Variants in FAM81B observed in about 807,000 individuals in gnomAD.
The protein encoded by FAM81B is protein FAM81B.
FAM81B carries 60 observed loss-of-function variants against 58.7 expected under a neutral mutation model. The observed-to-expected ratio is 1.02, with a 90% CI of 0.83 to 1.27. The LOEUF is 1.27. Among genes scored for constraint, FAM81B ranks in the 50% most tolerant of loss-of-function variants. The pLI is 0.00. For missense variants in FAM81B, 491 were observed against 522.0 expected, an observed-to-expected ratio of 0.94 and a Z score of 0.58; for synonymous variants, 189 against 179.6, an observed-to-expected ratio of 1.05 and a Z score of -0.42.
intron 6 of FAM81B, among the ~76,000 whole-genome samples, chr5:95,433,238 C>G (rs1744969201): frequency 1.4e-5 from 2 of 147,574 alleles, no homozygotes; most frequent in Non-Finnish European, 3.0e-5. Flanking sequence ...GGGGAGACCT[C>G]ACAGTCATGG....
intron 3 of FAM81B, among the ~76,000 whole-genome samples, chr5:95,407,965 T>C (rs981049747): frequency 6.6e-6 from 1 of 152,098 alleles, no homozygotes; most frequent in Admixed American, 6.6e-5. Flanking sequence ...CTCATATAGC[T>C]CTTGGTCGAC....
At chr5:95,392,452 G>A (rs953054523) in intron 1 of FAM81B, among the ~76,000 whole-genome samples, 2 of 152,068 alleles carry the variant, frequency 1.3e-5, no homozygotes, top group African/African-American at 2.4e-5. Flanking sequence ...GTATACCTAC[G>A]TAACAAACCT....
In FAM81B at chr5:95,400,362, T is replaced by A. The variant is rs191186526; in HGVS notation, c.293+4187T>A. ...TCCAATCTCTGCCTCCATCTTTACA[T>A]GGTATCTCCCTGTGTTTCTGTCTTC... On this transcript the variant is annotated intron_variant, in intron 3 of 9. Coordinates refer to ENST00000283357, the MANE Select transcript of FAM81B (RefSeq NM_152548.3). Among the ~76,000 whole-genome samples, 200 of 152,170 alleles carry A rather than the reference T, an allele frequency of 1.3e-3. 1 individual carries two copies. Among genetic ancestry groups the A allele is most frequent in the Non-Finnish European group, 2.4e-3 (165 of 67,996 alleles).
chr5:95,392,002 G>A (rs773125974), intron 1 of FAM81B, among the ~76,000 whole-genome samples: 9 of 152,136 alleles, frequency 5.9e-5, no homozygotes, highest in Non-Finnish European at 1.2e-4. Context: ...CCATTAATGG[G>A]TATATACCCA....
chr5:95,399,877 T>C (rs1393770649), intron 3 of FAM81B, among the ~76,000 whole-genome samples: 3 of 152,016 alleles, frequency 2.0e-5, no homozygotes, highest in Non-Finnish European at 2.9e-5. Flanking sequence ...CTGAGAAAAG[T>C]GCAAATGTAA....
At chr5:95,417,575 T>C (rs567892963) in intron 4 of FAM81B, among the ~76,000 whole-genome samples, 1 of 152,358 alleles carries the variant, frequency 6.6e-6, no homozygotes, top group South Asian at 2.1e-4. Context: ...TGAGTTTTAG[T>C]ACTTTTAAAT....
chr5:95,448,617 G>A (rs1387392340), intron 9 of FAM81B, 153 bp downstream of exon 9: 1 of 723,938 alleles, frequency 1.4e-6, no homozygotes, highest in Non-Finnish European at 2.3e-6. Flanking sequence ...TATAGAATAT[G>A]AGTATTATAC....
At chr5:95,409,745 A>C (rs1280988060) in intron 3 of FAM81B, among the ~76,000 whole-genome samples, 1 of 152,182 alleles carries the variant, frequency 6.6e-6, no homozygotes. Context: ...CTAGGGTAAT[A>C]AAATTATATC....
chr5:95,429,445 G>T (rs1234453498), intron 6 of FAM81B, among the ~76,000 whole-genome samples: 3 of 152,108 alleles, frequency 2.0e-5, no homozygotes, highest in African/African-American at 7.2e-5. Context: ...GAAGTCATTT[G>T]GGCAGAACAA....
chr5:95,432,091 T>C (rs1234089741), intron 6 of FAM81B, among the ~76,000 whole-genome samples: 2 of 152,102 alleles, frequency 1.3e-5, no homozygotes, highest in African/African-American at 4.8e-5. Context: ...AGTAGCCAAC[T>C]ATTCCTATAT....
intron 5 of FAM81B, among the ~76,000 whole-genome samples, chr5:95,420,644 C>G (rs1041562849): frequency 1.3e-5 from 2 of 152,238 alleles, no homozygotes; most frequent in African/African-American, 4.8e-5. Context: ...AAAGTTCTGT[C>G]TTTGCAGCCT....
intron 5 of FAM81B, among the ~76,000 whole-genome samples, chr5:95,425,340 C>T (rs1250607257): frequency 2.0e-5 from 3 of 152,054 alleles, no homozygotes; most frequent in African/African-American, 4.8e-5. Flanking sequence ...AAGACTGCAA[C>T]GAGCATCCAG....
At chr5:95,442,567 T>C (rs150521069) in intron 7 of FAM81B, among the ~76,000 whole-genome samples, 6 of 152,332 alleles carry the variant, frequency 3.9e-5, no homozygotes, top group African/African-American at 1.4e-4. Context: ...ATTCTGTCTA[T>C]TGAAAACTAA....
intron 3 of FAM81B, among the ~76,000 whole-genome samples, chr5:95,409,489 T>TCTCGCTTTGTCGCCCAGGCTGGAGTGCA (rs1762352961): frequency 6.6e-6 from 1 of 151,932 alleles, no homozygotes; most frequent in Admixed American, 6.6e-5. Context: ...TTTTTCTTAA[T>TCTCGCTTTGTCGCCCAGGCTGGAGTGCA]GTGGCTATTA....
intron 3 of FAM81B, chr5:95,406,255 G>A (rs1248131150): frequency 6.5e-6 from 1 of 154,664 alleles, no homozygotes; most frequent in Non-Finnish European, 1.5e-5. Flanking sequence ...AACACCTGTG[G>A]AAGGGAAGGG....
chr5:95,405,773 A>G (rs187480723), intron 3 of FAM81B, among the ~76,000 whole-genome samples: 1 of 152,294 alleles, frequency 6.6e-6, no homozygotes, highest in Non-Finnish European at 1.5e-5. Context: ...AGCCCCAGGC[A>G]CCAGAAAACC....
intron 4 of FAM81B, among the ~76,000 whole-genome samples, chr5:95,417,311 AT>A (rs949155682): frequency 3.3e-5 from 5 of 151,984 alleles, no homozygotes; most frequent in Admixed American, 2.6e-4. Context: ...CAGAAATAAG[AT>A]TTTTTTTCTT....
rs1745744652 is a variant in FAM81B at position 95,450,148 on chromosome 5, G to A, written c.1226-1G>A. On this transcript the variant is annotated splice_acceptor_variant, in intron 9 of 9. Transcript: ENST00000283357. LOFTEE classifies it high-confidence loss of function. The stretch of plus-strand genomic sequence containing the variant: ...GTACCTATTCTTTTACCCTCTTACA[G>A]GATTTAAATCAATTCATGACTCTCT... The A allele has an allele frequency of 1.2e-6, 2 of 1,606,412 alleles. No homozygotes were observed. Among genetic ancestry groups the A allele is most frequent in the Non-Finnish European group, 1.7e-6 (2 of 1,177,856 alleles).
intron 4 of FAM81B, among the ~76,000 whole-genome samples, chr5:95,415,527 C>T (rs186871953): frequency 7.2e-5 from 11 of 152,232 alleles, no homozygotes; most frequent in African/African-American, 2.6e-4. Flanking sequence ...TTGAATTGAC[C>T]TCAGTGCTTC....
Sources: allele counts gnomAD v4.1 joint callset (sites outside exome capture counted in the v4.1 genomes callset), GRCh38; gene constraint gnomAD v4.1.1; transcripts MANE v1.5; gene names NCBI Gene and HGNC (gene_info 2026-07-23, HGNC 2026-07-21).